Variants in NCAM1 observed in about 807,000 individuals in gnomAD.
The protein encoded by NCAM1 is neural cell adhesion molecule 1, also known as antigen recognized by monoclonal antibody 5.1H11.
NCAM1 carries 14 observed loss-of-function variants against 109.8 expected under a neutral mutation model. That is an observed-to-expected ratio of 0.13 (90% CI 0.08 to 0.20). NCAM1 has a LOEUF of 0.20. NCAM1 is among the 10% of genes least tolerant of loss of function. The pLI, the probability that NCAM1 is intolerant of heterozygous loss-of-function variation, is 1.00. For missense variants in NCAM1, 774 were observed against 1,109.9 expected (o/e 0.70, Z 4.30); for synonymous variants, 418 against 442.9 (o/e 0.94, Z 0.70).
In NCAM1 at chr11:113,233,059, A is replaced by T; in HGVS notation, c.1523-88A>T. ...GACAGGATTCCCAAGAGTGAGCAGA[A>T]ATGACAGAGATGTGCCTTGTGACTG... On this transcript the variant is annotated intron_variant, in intron 12 of 19. Coordinates refer to ENST00000316851, the MANE Select transcript of NCAM1 (RefSeq NM_181351.5). This position sits in a 1 kb window ranked among gnomAD's most constrained non-coding sequence, Gnocchi z 4.5. 3.0e-6 allele frequency: 4 copies of T among 1,342,480 alleles called. No homozygotes were observed. The highest frequency in any genetic ancestry group is 4.1e-6 in the Non-Finnish European group (4 of 970,164). The allele number at this position is 1,342,480 out of a possible 1,614,324, so 83.2% of individuals were successfully genotyped here. A position where few individuals can be genotyped will look rare whatever the true frequency, so the allele number is the denominator to read the frequency against.
At chr11:113,185,079 T>TATATAGAGAGAGAGAGAGAGAGAG in intron 1 of NCAM1, among the ~76,000 whole-genome samples, 1 of 125,760 alleles carries the variant, frequency 8.0e-6, no homozygotes, top group Non-Finnish European at 1.6e-5. Context: ...TATATATATA[T>TATATAGAGAGAGAGAGAGAGAGAG]AGAGAGAGAG....
chr11:112,976,733 A>G (rs1360292545), intron 1 of NCAM1, among the ~76,000 whole-genome samples: 2 of 151,914 alleles, frequency 1.3e-5, no homozygotes, highest in East Asian at 1.9e-4. Context: ...TTAGACCATG[A>G]TAGGTATTGA....
chr11:113,039,031 A>G (rs1952987251), intron 1 of NCAM1, among the ~76,000 whole-genome samples: 1 of 152,206 alleles, frequency 6.6e-6, no homozygotes, highest in Non-Finnish European at 1.5e-5. Context: ...TACGACATAG[A>G]TTTACATGGA....
chr11:112,989,084 GTTC>G (rs1227185065), intron 1 of NCAM1, among the ~76,000 whole-genome samples: 1 of 152,064 alleles, frequency 6.6e-6, no homozygotes, highest in Non-Finnish European at 1.5e-5. Context: ...GCCTCGGAAT[GTTC>G]TTCTTTGGAT....
At chr11:113,265,190 C>T (rs766244760) in intron 17 of NCAM1, 10 of 983,584 alleles carry the variant, frequency 1.0e-5, no homozygotes, top group Non-Finnish European at 1.2e-5. Context: ...AATAACAGTT[C>T]ATGTGAACTC....
At chr11:113,199,805 C>A (rs1943983226) in intron 1 of NCAM1, among the ~76,000 whole-genome samples, 1 of 86,572 alleles carries the variant, frequency 1.2e-5, no homozygotes, top group African/African-American at 5.4e-5. Context: ...GAATATTTTG[C>A]AAATAAAGTA....
At chr11:113,248,649 AG>A (rs566981946) in intron 15 of NCAM1, among the ~76,000 whole-genome samples, 1,595 of 152,310 alleles carry the variant, frequency 0.01, 18 homozygotes, top group Non-Finnish European at 0.017. Context: ...CCTCAAAAAA[AG>A]AAAACTGCCT....
intron 1 of NCAM1, among the ~76,000 whole-genome samples, chr11:113,067,396 C>T (rs533300187): frequency 7.9e-5 from 12 of 152,302 alleles, no homozygotes; most frequent in East Asian, 7.7e-4. Flanking sequence ...TAAGCAGACA[C>T]GGATATGACC....
intron 1 of NCAM1, among the ~76,000 whole-genome samples, chr11:113,077,688 CT>C (rs10535004): frequency 0.28 from 40,841 of 145,376 alleles, 6,124 homozygotes; most frequent in East Asian, 0.6. Context: ...TAAGGAAGTA[CT>C]TTTTTTTTTT....
intron 8 of NCAM1, among the ~76,000 whole-genome samples, chr11:113,220,600 C>CT (rs1336984958): frequency 3.9e-5 from 4 of 102,376 alleles, no homozygotes; most frequent in African/African-American, 1.2e-4. Flanking sequence ...CTCTCTCTCT[C>CT]TCTTTTTTTT....
chr11:113,174,708 A>G (rs1234644999), intron 1 of NCAM1, among the ~76,000 whole-genome samples: 1 of 152,198 alleles, frequency 6.6e-6, no homozygotes, highest in Non-Finnish European at 1.5e-5. Flanking sequence ...TCCACTTGCA[A>G]GTGGCATCAA....
Position 113,025,462 on chromosome 11 carries a change from A to T in NCAM1, c.52+63798A>T, listed in dbSNP as rs573510459. 5.9e-5 allele frequency among the ~76,000 whole-genome samples: 9 copies of T among 152,294 alleles called. No homozygotes were observed. In the South Asian group the frequency reaches 1.9e-3, roughly 32 times the overall value. On this transcript the variant is annotated intron_variant, in intron 1 of 19. Transcript: ENST00000316851. ...AAGATGCTGTTCTCATAGATCTGTT[A>T]TTCTGATTGGAGGAGACACATGGTG...
At chr11:113,142,826 A>G (rs1005964217) in intron 1 of NCAM1, among the ~76,000 whole-genome samples, 3 of 152,186 alleles carry the variant, frequency 2.0e-5, no homozygotes, top group Admixed American at 1.3e-4. Flanking sequence ...ATTTCAAATG[A>G]TACGTTAGTT....
chr11:113,062,312 T>C (rs1937702747), intron 1 of NCAM1, among the ~76,000 whole-genome samples: 1 of 152,202 alleles, frequency 6.6e-6, no homozygotes, highest in African/African-American at 2.4e-5. Context: ...TGGATTTGCC[T>C]ATTCTGGACA....
At chr11:113,053,065 A>G (rs1380735791) in intron 1 of NCAM1, among the ~76,000 whole-genome samples, 5 of 152,118 alleles carry the variant, frequency 3.3e-5, no homozygotes, top group African/African-American at 1.2e-4. Flanking sequence ...AGAGGCTCTA[A>G]CAGAAGGCTC....
At chr11:113,094,097 C>A (rs1939485761) in intron 1 of NCAM1, among the ~76,000 whole-genome samples, 1 of 152,166 alleles carries the variant, frequency 6.6e-6, no homozygotes, top group East Asian at 1.9e-4. Flanking sequence ...ATAGGGTCCC[C>A]TTTAGACAGT....
chr11:112,988,326 A>G (rs1315458937), intron 1 of NCAM1, among the ~76,000 whole-genome samples: 1 of 152,216 alleles, frequency 6.6e-6, no homozygotes, highest in Non-Finnish European at 1.5e-5. Context: ...TTTACACACC[A>G]CCATTACAAT....
rs1002309769 is a variant in NCAM1 at position 113,233,306 on chromosome 11, A to G, written c.1682A>G (p.Asp561Gly). 11 of 1,613,086 alleles carry G rather than the reference A, an allele frequency of 6.8e-6. No individual in the cohort carries two copies. Among genetic ancestry groups the G allele is most frequent in the Non-Finnish European group, 7.6e-6 (9 of 1,179,562 alleles). Reference sequence around the variant, plus strand: ...GAAGTATGGCATTCCAAGTGGTATGATGCCAAGGAAGGTGAGTTGGGCGAG... The same window carrying G: ...GAAGTATGGCATTCCAAGTGGTATGGTGCCAAGGAAGGTGAGTTGGGCGAG... The part of the protein sequence containing the change: ...GEEVWHSKWY[D>G]AKEASMEGIV... The change falls in exon 13 of 20, where the codon GAT becomes GGT. Residue 561 changes from aspartate to glycine, a missense_variant. Transcript: ENST00000316851. This position sits in a 1 kb window ranked among gnomAD's most constrained non-coding sequence, Gnocchi z 4.5.
chr11:113,248,121 A>C (rs552540752), intron 15 of NCAM1, among the ~76,000 whole-genome samples: 1 of 152,264 alleles, frequency 6.6e-6, no homozygotes, highest in South Asian at 2.1e-4. Context: ...GATCTCTTCC[A>C]GACATTTTAA....
Sources: gnomAD v4.1 joint callset for allele counts (sites outside exome capture counted in the v4.1 genomes callset) on GRCh38, gnomAD v4.1.1 for gene constraint, Gnocchi (gnomAD v3.1) non-coding constraint, MANE v1.5 for transcripts, NCBI Gene and HGNC (gene_info 2026-07-23, HGNC 2026-07-21) for gene names.